ZNF804A: variants seen among roughly 807,000 people sequenced by gnomAD.
The protein encoded by ZNF804A is zinc finger protein 804A.
ZNF804A carries 2 observed loss-of-function variants against 16.5 expected under a neutral mutation model. The observed-to-expected ratio is 0.12, with a 90% CI of 0.05 to 0.38. The LOEUF (loss-of-function observed/expected upper bound fraction) is 0.38. ZNF804A is among the 10% of genes least tolerant of loss of function. The probability of loss-of-function intolerance (pLI) is 0.99; values close to 1 mark genes in which losing one functional copy is unlikely to be tolerated. For synonymous variants in ZNF804A, 534 were observed against 489.6 expected (o/e 1.09, Z -1.20); for missense variants, 1,473 against 1,390.7 (o/e 1.06, Z -0.94).
chr2:184,909,915 A>G (rs957898013), intron 2 of ZNF804A, among the ~76,000 whole-genome samples: 20 of 152,090 alleles, frequency 1.3e-4, no homozygotes, highest in Non-Finnish European at 2.6e-4. Flanking sequence ...TTTAAACAAA[A>G]GAGGAATAAA....
intron 1 of ZNF804A, among the ~76,000 whole-genome samples, chr2:184,780,140 G>C (rs1359091646): frequency 6.6e-6 from 1 of 151,754 alleles, no homozygotes; most frequent in Non-Finnish European, 1.5e-5. Flanking sequence ...TAAGGTATGA[G>C]TAAGAACATG....
At chr2:184,838,135 G>A (rs1574235404) in intron 1 of ZNF804A, among the ~76,000 whole-genome samples, 1 of 152,076 alleles carries the variant, frequency 6.6e-6, no homozygotes, top group East Asian at 1.9e-4. Context: ...GTTTAAGACA[G>A]AGAATTTTTT....
At chr2:184,746,135 G>T (rs1315162187) in intron 1 of ZNF804A, among the ~76,000 whole-genome samples, 1 of 151,034 alleles carries the variant, frequency 6.6e-6, no homozygotes, top group Non-Finnish European at 1.5e-5. Flanking sequence ...GATAAAATCT[G>T]GATATGTGGT....
intron 1 of ZNF804A, among the ~76,000 whole-genome samples, chr2:184,640,366 A>AT (rs1275599389): frequency 6.6e-6 from 1 of 151,954 alleles, no homozygotes; most frequent in African/African-American, 2.4e-5. Flanking sequence ...TTTTTTTCAA[A>AT]TTTTAAAAAG....
intron 2 of ZNF804A, among the ~76,000 whole-genome samples, chr2:184,867,914 G>A (rs1158879804): frequency 6.6e-6 from 1 of 152,026 alleles, no homozygotes; most frequent in African/African-American, 2.4e-5. Flanking sequence ...GTAGGTATTT[G>A]GAAATGCATG....
At chr2:184,654,406 T>TCATTGAATA (rs1353197242) in intron 1 of ZNF804A, among the ~76,000 whole-genome samples, 1 of 152,176 alleles carries the variant, frequency 6.6e-6, no homozygotes, top group African/African-American at 2.4e-5. Context: ...AAGGTGGCTG[T>TCATTGAATA]CATTGAATAC....
chr2:184,911,567 A>G (rs1003110627), intron 2 of ZNF804A, among the ~76,000 whole-genome samples: 4 of 151,984 alleles, frequency 2.6e-5, no homozygotes, highest in African/African-American at 9.7e-5. Flanking sequence ...TTTGAGCAGT[A>G]TGGTCATTTT....
chr2:184,903,750 G>T (rs1199944011), intron 2 of ZNF804A, among the ~76,000 whole-genome samples: 1 of 152,024 alleles, frequency 6.6e-6, no homozygotes, highest in African/African-American at 2.4e-5. Flanking sequence ...GCAGTACATA[G>T]TTAATGTATA....
At chr2:184,796,701 C>T (rs1694633754) in intron 1 of ZNF804A, among the ~76,000 whole-genome samples, 1 of 151,874 alleles carries the variant, frequency 6.6e-6, no homozygotes, top group South Asian at 2.1e-4. Flanking sequence ...TCTCTAGTTC[C>T]TTGAGGTGTG....
At chr2:184,635,430 T>A (rs1362434377) in intron 1 of ZNF804A, among the ~76,000 whole-genome samples, 1 of 152,118 alleles carries the variant, frequency 6.6e-6, no homozygotes, top group Admixed American at 6.5e-5. Flanking sequence ...AAGATATTAT[T>A]ATCAACTTGC....
At chr2:184,603,581 A>C (rs998664394) in intron 1 of ZNF804A, among the ~76,000 whole-genome samples, 9 of 152,168 alleles carry the variant, frequency 5.9e-5, no homozygotes, top group African/African-American at 2.2e-4. Context: ...AAACCCATTT[A>C]GGTGGCACTT....
chr2:184,627,752 C>T (rs932147879), intron 1 of ZNF804A, among the ~76,000 whole-genome samples: 1 of 152,142 alleles, frequency 6.6e-6, no homozygotes, highest in Non-Finnish European at 1.5e-5. Flanking sequence ...AGCTAAGAGA[C>T]ATTAGAAATG....
chr2:184,730,568 T>G (rs918066422), intron 1 of ZNF804A, among the ~76,000 whole-genome samples: 23 of 152,220 alleles, frequency 1.5e-4, no homozygotes, highest in Admixed American at 1.2e-3. Flanking sequence ...ACTACTGATC[T>G]TTTTACTGTT....
At chr2:184,794,028 A>C (rs905138448) in intron 1 of ZNF804A, among the ~76,000 whole-genome samples, 1 of 152,120 alleles carries the variant, frequency 6.6e-6, no homozygotes, top group East Asian at 1.9e-4. Flanking sequence ...GCTGCTATAA[A>C]CATGTGTGTG....
At chr2:184,887,295 A>G (rs533335307) in intron 2 of ZNF804A, among the ~76,000 whole-genome samples, 125 of 152,308 alleles carry the variant, frequency 8.2e-4, no homozygotes, top group African/African-American at 3.0e-3. Flanking sequence ...GCTAGACCTT[A>G]TTGTACATAT....
In ZNF804A at chr2:184,722,876, TTC is replaced by T. The variant is rs555493453; in HGVS notation, c.111+123807_111+123808del. On this transcript the variant is annotated intron_variant, in intron 1 of 3. Transcript: ENST00000302277. The stretch of plus-strand genomic sequence containing the variant: ...GATCATAGATGAGTTTTAAAATTGC[TTC>T]ATGTTAACGGTATTTACCCTACAGG... Among the ~76,000 whole-genome samples the T allele has an allele frequency of 2.5e-3, 374 of 152,144 alleles. 1 individual carries two copies. The highest frequency in any genetic ancestry group is 8.7e-3 in the African/African-American group (361 of 41,570).
chr2:184,875,487 G>A (rs922432935), intron 2 of ZNF804A, among the ~76,000 whole-genome samples: 9 of 152,088 alleles, frequency 5.9e-5, no homozygotes, highest in African/African-American at 1.9e-4. Flanking sequence ...TACCATGAGT[G>A]GAGGCAGGCT....
intron 1 of ZNF804A, among the ~76,000 whole-genome samples, chr2:184,810,728 G>C (rs1440737465): frequency 6.6e-6 from 1 of 151,948 alleles, no homozygotes; most frequent in African/African-American, 2.4e-5. Flanking sequence ...CTGACCTCGT[G>C]ACCTGCCCAC....
At chr2:184,723,139 T>C (rs1391067901) in intron 1 of ZNF804A, among the ~76,000 whole-genome samples, 1 of 151,914 alleles carries the variant, frequency 6.6e-6, no homozygotes, top group Non-Finnish European at 1.5e-5. Flanking sequence ...GAAGGTAAAA[T>C]AGATACATAC....
Sources: allele counts gnomAD v4.1 joint callset (sites outside exome capture counted in the v4.1 genomes callset), GRCh38; gene constraint gnomAD v4.1.1; transcripts MANE v1.5; gene names NCBI Gene and HGNC (gene_info 2026-07-23, HGNC 2026-07-21).